The following STIL variants were observed in gnomAD, a reference collection of about 807,000 sequenced individuals.
The protein encoded by STIL is STIL centriolar assembly protein.
STIL carries 55 observed loss-of-function variants against 110.1 expected under a neutral mutation model. The observed-to-expected ratio is 0.50, with a 90% confidence interval of 0.40 to 0.63. The LOEUF (loss-of-function observed/expected upper bound fraction) is 0.63. Ranked by LOEUF, STIL falls within the 20% of genes least tolerant of loss-of-function variation. The pLI, the probability that STIL is intolerant of heterozygous loss-of-function variation, is 0.00. For missense variants in STIL, 1,358 were observed against 1,530.0 expected (o/e 0.89, Z 1.87); for synonymous variants, 481 against 530.0 (o/e 0.91, Z 1.27).
At position 47,259,096 on chromosome 1, in the gene STIL, C is replaced by T. The variant is rs184198749; in HGVS notation, c.3080+1193G>A. ...CTGCCTCCTGGGTTCACGCCATTCT[C>T]GTGCCTCAGCCTCCTGAGTAGCTGG... is the stretch of plus-strand genomic sequence containing the variant. On this transcript the variant is annotated intron_variant, in intron 16 of 16. Coordinates refer to ENST00000371877, the MANE Select transcript of STIL (RefSeq NM_001048166.1). Among the ~76,000 whole-genome samples, 842 of 139,408 alleles carry T rather than the reference C, an allele frequency of 6.0e-3. 8 individuals carry two copies. The highest frequency in any genetic ancestry group is 0.021 in the African/African-American group (782 of 37,872). 91.5% of individuals were successfully genotyped at this position (139,408 alleles called of 152,430 possible).
At chr1:47,305,074 T>A in intron 2 of STIL, 78 bp from the exon 3 acceptor site, 1 of 932,074 alleles carries the variant, frequency 1.1e-6, no homozygotes, top group South Asian at 1.4e-5. Flanking sequence ...CAACTAACTA[T>A]CTTTAAGGTG....
In STIL at chr1:47,269,933, C is replaced by T. The variant is rs573760867; in HGVS notation, c.2384-67G>A. 2.0e-6 allele frequency: 3 copies of T among 1,472,922 alleles called. No homozygotes were observed. In the African/African-American group the frequency reaches 4.2e-5, roughly 20 times the overall value. The allele number at this position is 1,472,922 out of a possible 1,614,324, so 91.2% of individuals were successfully genotyped here. On this transcript the variant is annotated intron_variant, in intron 13 of 16. Coordinates refer to ENST00000371877, the MANE Select transcript of STIL (RefSeq NM_001048166.1). ...CTTTAAAAATAATACTCTGCCAAAC[C>T]TTTGTTAAGAATAGCCATATTGGCT...
chr1:47,277,895 C>G (rs1368522825), intron 12 of STIL, among the ~76,000 whole-genome samples: 1 of 151,970 alleles, frequency 6.6e-6, no homozygotes. Context: ...ATGTATATCC[C>G]TATTTTGTAT....
intron 8 of STIL, among the ~76,000 whole-genome samples, chr1:47,291,623 T>A (rs999737668): frequency 5.9e-5 from 9 of 152,086 alleles, no homozygotes; most frequent in Non-Finnish European, 1.2e-4. Flanking sequence ...TGGAGTGTAG[T>A]GGTGCGATCT....
At chr1:47,299,791 C>A in intron 6 of STIL, 114 bp downstream of exon 6, 1 of 1,126,144 alleles carries the variant, frequency 8.9e-7, no homozygotes, top group Non-Finnish European at 1.3e-6. Context: ...GGTTATTAAC[C>A]AAGCCACCAT....
intron 16 of STIL, among the ~76,000 whole-genome samples, chr1:47,259,107 C>T (rs1473105273): frequency 6.9e-6 from 1 of 145,026 alleles, no homozygotes; most frequent in African/African-American, 2.5e-5. Flanking sequence ...GTGCCTCAGC[C>T]TCCTGAGTAG....
chr1:47,287,634 T>C lies in STIL; in HGVS notation c.1050A>G (p.Pro350=), dbSNP rs766701950. 6 of 1,613,620 alleles carry C rather than the reference T, an allele frequency of 3.7e-6. No homozygotes were observed. Among genetic ancestry groups the C allele is most frequent in the Non-Finnish European group, 4.2e-6 (5 of 1,179,724 alleles). ...TTTCAGCGCTCAGTTCACAACGGAT[T>C]GGATTTTTGTCAGGAGGTTCAACAT... The part of the protein sequence containing the change: ...FKNVEPPDKN[P]IRCELSAESQ... Residue 350 remains proline, a synonymous_variant, in exon 10 of 17, where the codon CCA becomes CCG. Coordinates refer to ENST00000371877, the MANE Select transcript of STIL (RefSeq NM_001048166.1).
At chr1:47,266,578 G>A (rs1305695058) in intron 14 of STIL, among the ~76,000 whole-genome samples, 1 of 152,108 alleles carries the variant, frequency 6.6e-6, no homozygotes, top group African/African-American at 2.4e-5. Flanking sequence ...TGCCTAGCCT[G>A]GTCTTGAATT....
At chr1:47,298,671 C>T (rs1034697366) in intron 6 of STIL, among the ~76,000 whole-genome samples, 1 of 151,270 alleles carries the variant, frequency 6.6e-6, no homozygotes, top group South Asian at 2.1e-4. Flanking sequence ...AAGAATAATA[C>T]AGAATATACA....
chr1:47,253,242 C>T lies in STIL; in HGVS notation c.3081-1320G>A, dbSNP rs149971699. On this transcript the variant is annotated intron_variant, in intron 16 of 16. Transcript: ENST00000371877. ...CTCTATGGAATATTTCTATCTTATT[C>T]TCCATTTCAACATCTTACATTCCCT... Among the ~76,000 whole-genome samples, 192 of 152,318 alleles carry T rather than the reference C, an allele frequency of 1.3e-3. 1 individual carries two copies. The highest frequency in any genetic ancestry group is 4.5e-3 in the African/African-American group (185 of 41,568).
intron 7 of STIL, among the ~76,000 whole-genome samples, chr1:47,294,475 A>C (rs1645584473): frequency 6.6e-6 from 1 of 152,272 alleles, no homozygotes; most frequent in Non-Finnish European, 1.5e-5. Flanking sequence ...GCTTGAGCCC[A>C]GGAGTTCCAG....
chr1:47,271,054 C>T (rs750932081), intron 13 of STIL, among the ~76,000 whole-genome samples: 4 of 151,968 alleles, frequency 2.6e-5, no homozygotes, highest in African/African-American at 4.8e-5. Flanking sequence ...CTTACTCTTT[C>T]TTTAAATTAA....
At position 47,289,542 on chromosome 1, in the gene STIL, T is replaced by C. The variant is rs372838651; in HGVS notation, c.916A>G (p.Met306Val). 1.4e-5 allele frequency: 22 copies of C among 1,613,856 alleles called. No homozygotes were observed. Among genetic ancestry groups the C allele is most frequent in the African/African-American group, 1.2e-4 (9 of 75,028 alleles). Residue 306 changes from methionine (M) to valine (V), a missense_variant, in exon 9 of 17, where the codon ATG (methionine) becomes GTG (valine). Coordinates refer to ENST00000371877, the MANE Select transcript of STIL (RefSeq NM_001048166.1). ...TAAAACTCAGGTTCCTTATGTGTCA[T>C]AGAATAGAGAACTATGATGAAATTT... The part of the protein sequence containing the change: ...SGNFIIVLYS[M>V]THKEPEFYEC...
chr1:47,270,458 T>A (rs969076258), intron 13 of STIL, among the ~76,000 whole-genome samples: 1 of 151,820 alleles, frequency 6.6e-6, no homozygotes, highest in Admixed American at 6.6e-5. Flanking sequence ...GCTTTACATA[T>A]TAAGATTCTG....
chr1:47,260,248 T>G, intron 16 of STIL, 41 bp downstream of exon 16: 1 of 1,548,858 alleles, frequency 6.5e-7, no homozygotes, highest in East Asian at 2.4e-5. Flanking sequence ...TTTTAAAAAA[T>G]AAAATTTATT....
intron 2 of STIL, among the ~76,000 whole-genome samples, chr1:47,308,933 TC>T (rs1227562600): frequency 4.0e-5 from 6 of 151,630 alleles, no homozygotes; most frequent in African/African-American, 1.2e-4. Context: ...ACGCCTGTAA[TC>T]CCAGCTACTC....
rs769758868 is a variant in STIL at position 47,251,420 on chromosome 1, C to A, written c.3583G>T (p.Val1195Leu). 6.2e-7 allele frequency: 1 copy of A among 1,614,086 alleles called. No homozygotes were observed. The highest frequency in any genetic ancestry group is 1.7e-5 in the Admixed American group (1 of 60,008). ...ACTTCATTTGTAATATTTCTCAATA[C>A]TGGCGTATCTGCGTTGGTCCCCACA... ...ESVGTNADTP[V>L]LRNITNEVLQ... Residue 1195 changes from valine (V) to leucine (L), a missense_variant, in exon 17 of 17, where the codon GTA becomes TTA. Val to Leu is a conservative substitution (Grantham distance 32). Transcript: ENST00000371877.
chr1:47,275,597 G>T (rs1644969166), intron 12 of STIL, among the ~76,000 whole-genome samples: 1 of 151,874 alleles, frequency 6.6e-6, no homozygotes, highest in African/African-American at 2.4e-5. Flanking sequence ...GACACAGTGA[G>T]ACTCCATCTC....
chr1:47,295,672 A>C (rs1645621565), intron 7 of STIL, 93 bp downstream of exon 7: 1 of 867,210 alleles, frequency 1.2e-6, no homozygotes, highest in Non-Finnish European at 1.9e-6. Context: ...TTATAAAATG[A>C]TCTAAATATT....
Sources: allele counts gnomAD v4.1 joint callset (sites outside exome capture counted in the v4.1 genomes callset), GRCh38; gene constraint gnomAD v4.1.1; transcripts MANE v1.5; gene names NCBI Gene and HGNC (gene_info 2026-07-23, HGNC 2026-07-21).